The following STAB2 variants were observed in gnomAD, a reference collection of about 807,000 sequenced individuals.
STAB2 encodes the protein stabilin 2.
In STAB2, 288 loss-of-function variants were observed where a neutral mutation model predicts 338.1. That is an observed-to-expected ratio of 0.85 (90% CI 0.77 to 0.94). The LOEUF is 0.94. STAB2 is among the 40% of genes least tolerant of loss of function. The pLI is 0.00. For synonymous variants in STAB2, 1,202 were observed against 1,193.3 expected (o/e 1.01, Z -0.15); for missense variants, 3,141 against 3,210.1 (o/e 0.98, Z 0.52).
At chr12:103,683,777 T>C (rs1050149200) in intron 26 of STAB2, among the ~76,000 whole-genome samples, 1 of 152,186 alleles carries the variant, frequency 6.6e-6, no homozygotes, top group Non-Finnish European at 1.5e-5. Flanking sequence ...CAAGGGTAAA[T>C]GGTGCCTTGC....
At chr12:103,676,761 T>C (rs1172922995) in intron 24 of STAB2, among the ~76,000 whole-genome samples, 1 of 152,200 alleles carries the variant, frequency 6.6e-6, no homozygotes, top group Non-Finnish European at 1.5e-5. Context: ...ACTGGTTTCT[T>C]TGCTTCCTCT....
chr12:103,678,417 T>C (rs540299867), intron 25 of STAB2, among the ~76,000 whole-genome samples: 1 of 152,344 alleles, frequency 6.6e-6, no homozygotes, highest in African/African-American at 2.4e-5. Context: ...TGTGCACAAG[T>C]TAATAATCGG....
chr12:103,660,504 C>T, intron 16 of STAB2, 120 bp downstream of exon 16: 2 of 1,336,892 alleles, frequency 1.5e-6, no homozygotes, highest in South Asian at 2.4e-5. Flanking sequence ...AATAAACCCT[C>T]AGCCATGAAC....
At chr12:103,625,233 T>C (rs191383587) in intron 5 of STAB2, among the ~76,000 whole-genome samples, 8 of 152,198 alleles carry the variant, frequency 5.3e-5, no homozygotes, top group Admixed American at 5.2e-4. Context: ...AAGACACTGG[T>C]GTTGGTTACT....
chr12:103,594,433 C>T lies in STAB2; in HGVS notation c.254C>T (p.Pro85Leu), dbSNP rs1956845745. The T allele has an allele frequency of 6.2e-7, 1 of 1,613,796 alleles. No homozygotes were observed. Among genetic ancestry groups the T allele is most frequent in the Admixed American group, 1.7e-5 (1 of 59,984 alleles). ...GTCAGAACATACTCTCTGTCTCTCC[C>T]CGGATGCCGCCATATTTGTAGGAAG... ...FEVRTYSLSL[P>L]GCRHICRKDY... is the part of the protein sequence containing the mutation. Residue 85 changes from proline (P) to leucine (L), a missense_variant, in exon 3 of 69, where the codon CCC (proline) becomes CTC (leucine). Coordinates refer to ENST00000388887, the MANE Select transcript of STAB2 (RefSeq NM_017564.10).
At chr12:103,637,295 G>GAA in intron 7 of STAB2, 59 bp downstream of exon 7, 1 of 1,547,640 alleles carries the variant, frequency 6.5e-7, no homozygotes, top group Non-Finnish European at 8.7e-7. Flanking sequence ...TATTTAACAG[G>GAA]AAAAAAAAAT....
At chr12:103,663,094 G>T in intron 18 of STAB2, 96 bp downstream of exon 18, 2 of 1,495,442 alleles carry the variant, frequency 1.3e-6, no homozygotes, top group Non-Finnish European at 9.0e-7. Context: ...GTCAAAGAAA[G>T]TTGGACTTCC....
chr12:103,624,906 A>C (rs930661246), intron 5 of STAB2, among the ~76,000 whole-genome samples: 12 of 142,046 alleles, frequency 8.4e-5, no homozygotes, highest in Admixed American at 3.1e-4. Context: ...CCACCACTGC[A>C]CTCCAGCCTG....
At chr12:103,764,205 G>A (rs796482450) in intron 68 of STAB2, among the ~76,000 whole-genome samples, 6 of 152,156 alleles carry the variant, frequency 3.9e-5, no homozygotes, top group South Asian at 2.1e-4. Flanking sequence ...CGCCCACCTC[G>A]GCCTCCCAAA....
rs767352468 is a variant in STAB2, at chr12:103,746,688, C to G, written c.6228C>G (p.Asp2076Glu). 8.1e-6 allele frequency: 13 copies of G among 1,613,656 alleles called. No individual in the cohort carries two copies. The South Asian group carries it at 1.3e-4, about 16-fold the overall frequency. The stretch of plus-strand genomic sequence containing the variant: ...AGTGTAACCTGGATTATGAAGGTGA[C>G]GGAATCACATGCACAGGTAAGCCAC... ...TCECNLDYEG[D>E]GITCTVVDFC... The change falls in exon 58 of 69, where the codon GAC becomes GAG. Residue 2076 changes from aspartate (D) to glutamate (E), a missense_variant. By Grantham distance (45) the Asp-to-Glu change is conservative (BLOSUM62 2). Transcript: ENST00000388887.
At chr12:103,733,295 T>G in intron 51 of STAB2, 113 bp downstream of exon 51, 1 of 1,278,432 alleles carries the variant, frequency 7.8e-7, no homozygotes, top group Non-Finnish European at 1.1e-6. Flanking sequence ...CACCACTGTA[T>G]GCAGGAAGCC....
At chr12:103,661,799 G>A (rs1438652517) in intron 17 of STAB2, among the ~76,000 whole-genome samples, 1 of 152,096 alleles carries the variant, frequency 6.6e-6, no homozygotes, top group Non-Finnish European at 1.5e-5. Flanking sequence ...GAGCATGCTG[G>A]GCTGTGTGAG....
At chr12:103,659,843 A>G (rs1437056349) in intron 15 of STAB2, among the ~76,000 whole-genome samples, 1 of 152,226 alleles carries the variant, frequency 6.6e-6, no homozygotes, top group Non-Finnish European at 1.5e-5. Context: ...CTATAATCCT[A>G]AATGACCTGT....
intron 51 of STAB2, among the ~76,000 whole-genome samples, chr12:103,734,109 C>CAAGCACGATCATATAGGAGT (rs1881886569): frequency 7.4e-6 from 1 of 135,252 alleles, no homozygotes; most frequent in Admixed American, 7.9e-5. Context: ...CTTATAGGAG[C>CAAGCACGATCATATAGGAGT]AAGCACGATC....
chr12:103,612,860 G>A (rs978411760), intron 3 of STAB2, among the ~76,000 whole-genome samples: 1 of 152,116 alleles, frequency 6.6e-6, no homozygotes, highest in African/African-American at 2.4e-5. Context: ...TACAGATGGG[G>A]TTTTGGTGTG....
chr12:103,763,436 T>G, intron 67 of STAB2, 56 bp from the exon 68 acceptor site: 1 of 1,547,758 alleles, frequency 6.5e-7, no homozygotes, highest in Non-Finnish European at 8.9e-7. Context: ...CCAACTTGGC[T>G]GAGACGCTCC....
At chr12:103,688,315 A>G in intron 28 of STAB2, 100 bp downstream of exon 28, 1 of 1,156,902 alleles carries the variant, frequency 8.6e-7, no homozygotes, top group Non-Finnish European at 1.3e-6. Context: ...TAAGGAGTGT[A>G]GGCAATTGTG....
chr12:103,721,058 G>C (rs1476718724), intron 44 of STAB2, among the ~76,000 whole-genome samples: 1 of 152,150 alleles, frequency 6.6e-6, no homozygotes, highest in African/African-American at 2.4e-5. Flanking sequence ...TCTTTTATAA[G>C]GGCACTAATC....
chr12:103,760,545 G>C (rs371670494), intron 65 of STAB2, among the ~76,000 whole-genome samples: 2 of 152,158 alleles, frequency 1.3e-5, no homozygotes, highest in African/African-American at 2.4e-5. Context: ...ACAGGGGTGA[G>C]CTACCATGCC....
Sources: gnomAD v4.1 joint callset for allele counts (sites outside exome capture counted in the v4.1 genomes callset) on GRCh38, gnomAD v4.1.1 for gene constraint, MANE v1.5 for transcripts, NCBI Gene and HGNC (gene_info 2026-07-23, HGNC 2026-07-21) for gene names.